Variants in ELAVL1 observed in about 807,000 individuals in gnomAD.
ELAVL1 encodes the protein ELAV like RNA binding protein 1.
ELAVL1 carries 1 observed loss-of-function variant against 28.4 expected under a neutral mutation model. The observed-to-expected ratio is 0.04, with a 90% CI of 0.01 to 0.17. The LOEUF (loss-of-function observed/expected upper bound fraction) is 0.17, where lower values mean the gene tolerates loss of function less well. Among genes scored for constraint, ELAVL1 ranks in the 10% least tolerant of loss-of-function variants. The pLI is 1.00. For synonymous variants in ELAVL1, 174 were observed against 183.5 expected, an observed-to-expected ratio of 0.95 and a Z score of 0.42; for missense variants, 157 against 447.2, an observed-to-expected ratio of 0.35 and a Z score of 5.85.
At chr19:7,991,095 A>C (rs1985739551) in intron 2 of ELAVL1, among the ~76,000 whole-genome samples, 1 of 152,232 alleles carries the variant, frequency 6.6e-6, no homozygotes, top group Admixed American at 6.5e-5. Context: ...TGCCCCTCTG[A>C]GAGTTCAAGC....
Position 8,005,492 on chromosome 19 carries a change from C to A in ELAVL1, c.-17+3G>T. 1 of 147,486 alleles carries A rather than the reference C, an allele frequency of 6.8e-6. No homozygotes were observed. The highest frequency in any genetic ancestry group is 1.8e-4 in the South Asian group (1 of 5,642). 9.1% of individuals were successfully genotyped at this position (147,486 alleles called of 1,614,324 possible). On this transcript the variant is annotated splice_donor_region_variant and intron_variant, in intron 1 of 5. Coordinates refer to ENST00000407627, the MANE Select transcript of ELAVL1 (RefSeq NM_001419.3). ...CGCCGCCGAAGGCCCCCCACCGCCT[C>A]ACCTGGATGCGGGCGGGCGGGCCCG...
intron 2 of ELAVL1, among the ~76,000 whole-genome samples, chr19:7,987,706 C>T (rs1002817457): frequency 6.6e-6 from 1 of 152,214 alleles, no homozygotes; most frequent in Non-Finnish European, 1.5e-5. Context: ...TCATTCCTTC[C>T]TTCACTCTGC....
intron 3 of ELAVL1, among the ~76,000 whole-genome samples, chr19:7,978,590 G>T (rs1023605539): frequency 6.6e-6 from 1 of 152,174 alleles, no homozygotes; most frequent in Non-Finnish European, 1.5e-5. Flanking sequence ...CCCTCCCTGT[G>T]TGGCTCTTCA....
intron 2 of ELAVL1, among the ~76,000 whole-genome samples, chr19:7,983,030 A>G (rs1398852153): frequency 2.6e-5 from 4 of 152,084 alleles, no homozygotes; most frequent in Non-Finnish European, 4.4e-5. Context: ...CCCTTTCCAC[A>G]CTGCCCTCCG....
At chr19:7,991,043 T>C (rs1985738054) in intron 2 of ELAVL1, among the ~76,000 whole-genome samples, 1 of 152,222 alleles carries the variant, frequency 6.6e-6, no homozygotes, top group Non-Finnish European at 1.5e-5. Context: ...GAAGTCCCAC[T>C]GTGAGGGAGT....
chr19:7,995,011 T>C (rs1401353897), intron 1 of ELAVL1, among the ~76,000 whole-genome samples: 2 of 152,116 alleles, frequency 1.3e-5, no homozygotes, highest in African/African-American at 2.4e-5. Flanking sequence ...CATAAGAGTA[T>C]AAAACTGGAT....
intron 1 of ELAVL1, among the ~76,000 whole-genome samples, chr19:8,003,025 A>G (rs1393372171): frequency 1.3e-5 from 2 of 152,188 alleles, no homozygotes; most frequent in Non-Finnish European, 2.9e-5. Context: ...AGAGATGGGA[A>G]GCGGAGAGTG....
chr19:7,994,744 G>A (rs1985834346), intron 1 of ELAVL1, among the ~76,000 whole-genome samples: 1 of 152,164 alleles, frequency 6.6e-6, no homozygotes, highest in South Asian at 2.1e-4. Flanking sequence ...GCAAGTGCAG[G>A]AGTTCAAGAC....
At chr19:7,986,081 G>C (rs565750613) in intron 2 of ELAVL1, among the ~76,000 whole-genome samples, 2 of 152,344 alleles carry the variant, frequency 1.3e-5, no homozygotes, top group South Asian at 2.1e-4. Context: ...CTTTGGATGA[G>C]GGTTAAGACT....
Position 7,963,971 on chromosome 19 carries a change from G to A in ELAVL1, c.657-164C>T. On this transcript the variant is annotated intron_variant, in intron 5 of 5. Coordinates refer to ENST00000407627, the MANE Select transcript of ELAVL1 (RefSeq NM_001419.3). The surrounding 1 kb of genome is among the most constrained non-coding windows in gnomAD (Gnocchi z 4.5). ...CCTGCATGGGTCAAAACCCTGGGAG[G>A]AATTAAATACAGTAGTGGAGGGGCG... Among the ~76,000 whole-genome samples, 1 of 152,264 alleles carries A rather than the reference G, an allele frequency of 6.6e-6. No individual in the cohort carries two copies. Among genetic ancestry groups the A allele is most frequent in the South Asian group, 2.1e-4 (1 of 4,836 alleles).
chr19:7,980,191 T>G (rs1985417731), intron 3 of ELAVL1, among the ~76,000 whole-genome samples: 1 of 151,918 alleles, frequency 6.6e-6, no homozygotes, highest in Admixed American at 6.6e-5. Context: ...GTGGGTATCT[T>G]GTGAAGGCGG....
At position 7,959,704 on chromosome 19, in the gene ELAVL1, C is replaced by G. The variant is rs1264990615; in HGVS notation, c.*3779G>C. On this transcript the variant is annotated 3_prime_UTR_variant, in exon 6 of 6. Transcript: ENST00000407627. ...GGATCCGAGATTCAGATTCTACTGC[C>G]ATCATTACACGCCAATTGCCAATGC... The G allele has an allele frequency of 6.6e-6, 1 of 152,170 alleles. No individual in the cohort carries two copies. Among genetic ancestry groups the G allele is most frequent in the African/African-American group, 2.4e-5 (1 of 41,440 alleles). 9.4% of individuals were successfully genotyped at this position (152,170 alleles called of 1,614,324 possible).
chr19:7,978,383 G>A (rs1985361748), intron 3 of ELAVL1, among the ~76,000 whole-genome samples: 1 of 152,272 alleles, frequency 6.6e-6, no homozygotes, highest in South Asian at 2.1e-4. Flanking sequence ...CCAGGGTGGG[G>A]GAGGGGAAAG....
rs1446180705 is a variant in ELAVL1, at chr19:7,961,256, A to G, written c.*2227T>C. 2.0e-5 allele frequency: 3 copies of G among 152,268 alleles called. 1 individual carries two copies. The East Asian group carries it at 5.8e-4, about 29-fold the overall frequency. 9.4% of individuals were successfully genotyped at this position (152,268 alleles called of 1,614,324 possible). On this transcript the variant is annotated 3_prime_UTR_variant, in exon 6 of 6. Coordinates refer to ENST00000407627, the MANE Select transcript of ELAVL1 (RefSeq NM_001419.3). ...TCTCTGTTGAATGCTAGCTATGGGC[A>G]TGTGTGGGAGTGAGACTCCAGGGGG...
chr19:7,977,564 G>A (rs1985335595), intron 3 of ELAVL1, among the ~76,000 whole-genome samples: 1 of 152,218 alleles, frequency 6.6e-6, no homozygotes, highest in Non-Finnish European at 1.5e-5. Flanking sequence ...ACACTGAGCT[G>A]CATCTGGGAC....
chr19:7,966,201 AG>A lies in ELAVL1; in HGVS notation c.656+1363del, dbSNP rs997372035. Among the ~76,000 whole-genome samples the A allele has an allele frequency of 4.9e-4, 74 of 152,224 alleles. 1 individual carries two copies. Among genetic ancestry groups the A allele is most frequent in the South Asian group, 2.7e-3 (13 of 4,828 alleles). ...AAAAACATTAAAAATTAAAAAAAAAAGGGAAATCTATCCTTGTCATACCTGA... is the reference window on the plus strand; with the variant it reads ...AAAAACATTAAAAATTAAAAAAAAAAGGAAATCTATCCTTGTCATACCTGA... On this transcript the variant is annotated intron_variant, in intron 5 of 5. Coordinates refer to ENST00000407627, the MANE Select transcript of ELAVL1 (RefSeq NM_001419.3).
intron 4 of ELAVL1, among the ~76,000 whole-genome samples, chr19:7,968,566 C>A (rs1985018745): frequency 6.6e-6 from 1 of 152,220 alleles, no homozygotes; most frequent in Non-Finnish European, 1.5e-5. Context: ...ATGGGAAGGG[C>A]CAGGGCCCCA....
At position 7,973,748 on chromosome 19, in the gene ELAVL1, C is replaced by G; in HGVS notation, c.407G>C (p.Arg136Pro). ...ACCTGTAGTCTGATCCACGAGGACCCGCGAGTTGATGATCCGCCCAAACCG... is the reference window on the plus strand; with the variant it reads ...ACCTGTAGTCTGATCCACGAGGACCGGCGAGTTGATGATCCGCCCAAACCG... ...FSRFGRIINS[R>P]VLVDQTTGLS... Residue 136 changes from arginine to proline, a missense_variant, in exon 4 of 6, where the codon CGG becomes CCG. By Grantham distance (103) the Arg-to-Pro change is moderately radical (BLOSUM62 -2). Transcript: ENST00000407627. 6.2e-7 allele frequency: 1 copy of G among 1,614,100 alleles called. No homozygotes were observed. The highest frequency in any genetic ancestry group is 8.5e-7 in the Non-Finnish European group (1 of 1,180,004).
At chr19:7,973,387 T>C (rs1427199674) in intron 4 of ELAVL1, 9 of 392,942 alleles carry the variant, frequency 2.3e-5, no homozygotes, top group Non-Finnish European at 3.6e-5. Context: ...CCCGCCACCA[T>C]GCCCAGCTAA....
Sources: allele counts gnomAD v4.1 joint callset (sites outside exome capture counted in the v4.1 genomes callset), GRCh38; gene constraint gnomAD v4.1.1; non-coding constraint Gnocchi (gnomAD v3.1); transcripts MANE v1.5; gene names NCBI Gene and HGNC (gene_info 2026-07-23, HGNC 2026-07-21).